OXR1: variants seen among roughly 807,000 people sequenced by gnomAD.
OXR1 encodes the protein oxidation resistance protein 1.
OXR1 carries 41 observed loss-of-function variants against 104.6 expected under a neutral mutation model. The observed-to-expected ratio is 0.39, with a 90% CI of 0.31 to 0.51. The LOEUF is 0.51. Among genes scored for constraint, OXR1 ranks in the 20% least tolerant of loss-of-function variants. OXR1 has a pLI of 0.77. For synonymous variants in OXR1, 348 were observed against 348.4 expected (o/e 1.00, Z 0.01); for missense variants, 955 against 1,031.9 (o/e 0.93, Z 1.02).
intron 3 of OXR1, among the ~76,000 whole-genome samples, chr8:106,554,223 G>A (rs1004754886): frequency 6.6e-6 from 1 of 152,208 alleles, no homozygotes; most frequent in Non-Finnish European, 1.5e-5. Flanking sequence ...GGGCCACAAC[G>A]TGGCTTCTGC....
intron 1 of OXR1, chr8:106,272,607 CAA>C (rs1279537603): frequency 6.6e-6 from 1 of 152,204 alleles, no homozygotes; most frequent in East Asian, 1.9e-4. Flanking sequence ...TGGAGGGACA[CAA>C]GAGCGAGGAC....
At chr8:106,700,912 CAAAT>C (rs1233344221) in intron 7 of OXR1, among the ~76,000 whole-genome samples, 2 of 151,712 alleles carry the variant, frequency 1.3e-5, no homozygotes, top group Admixed American at 6.6e-5. Flanking sequence ...TTTCCTTTCT[CAAAT>C]AAGTTTACAG....
chr8:106,628,853 T>C (rs72682808), intron 3 of OXR1, among the ~76,000 whole-genome samples: 2,176 of 152,276 alleles, frequency 0.014, 28 homozygotes, highest in South Asian at 0.062. Context: ...ATGTTCAGCA[T>C]TCAATATCTG....
chr8:106,535,991 T>G (rs934322738), intron 3 of OXR1, among the ~76,000 whole-genome samples: 68 of 151,906 alleles, frequency 4.5e-4, no homozygotes, highest in African/African-American at 1.6e-3. Context: ...GAGGCCGAGG[T>G]GGGCGGATCA....
chr8:106,732,291 A>C (rs1044517625), intron 11 of OXR1, among the ~76,000 whole-genome samples: 1 of 152,052 alleles, frequency 6.6e-6, no homozygotes, highest in Non-Finnish European at 1.5e-5. Flanking sequence ...GATTTTTTAT[A>C]CCAACAATCA....
At chr8:106,362,896 A>G (rs1023709020) in intron 2 of OXR1, among the ~76,000 whole-genome samples, 2 of 152,204 alleles carry the variant, frequency 1.3e-5, no homozygotes, top group African/African-American at 2.4e-5. Flanking sequence ...TTAGCAAGGA[A>G]TTGGTTTAGT....
chr8:106,726,526 G>A (rs1833361249), intron 11 of OXR1, among the ~76,000 whole-genome samples: 1 of 152,136 alleles, frequency 6.6e-6, no homozygotes, highest in Non-Finnish European at 1.5e-5. Context: ...TTCATATTAA[G>A]TGTTTTGTAT....
intron 3 of OXR1, among the ~76,000 whole-genome samples, chr8:106,569,342 T>G (rs2130548802): frequency 6.6e-6 from 1 of 152,304 alleles, no homozygotes; most frequent in Admixed American, 6.5e-5. Flanking sequence ...AGGGAATCAT[T>G]ACATATTGCC....
chr8:106,603,336 C>T (rs1296737727), intron 3 of OXR1, among the ~76,000 whole-genome samples: 1 of 151,906 alleles, frequency 6.6e-6, no homozygotes, highest in Non-Finnish European at 1.5e-5. Context: ...CAGCTTTTTT[C>T]TAAAAACATA....
intron 3 of OXR1, among the ~76,000 whole-genome samples, chr8:106,546,189 G>C (rs1196452119): frequency 6.6e-6 from 1 of 152,118 alleles, no homozygotes; most frequent in Non-Finnish European, 1.5e-5. Flanking sequence ...AGGCGTAGCT[G>C]AGTCATTTCG....
chr8:106,652,250 G>A (rs1824643498), intron 3 of OXR1, among the ~76,000 whole-genome samples: 1 of 152,104 alleles, frequency 6.6e-6, no homozygotes. Context: ...TTTGCTGAGA[G>A]TGAGCTTGGG....
Position 106,381,637 on chromosome 8 carries a change from C to T in OXR1, c.23+22001C>T, listed in dbSNP as rs1378624211. Among the ~76,000 whole-genome samples, 6 of 152,226 alleles carry T rather than the reference C, an allele frequency of 3.9e-5. No individual in the cohort carries two copies. The South Asian group carries it at 1.2e-3, about 32-fold the overall frequency. ...TTTACTGTTCATGTGGGCCTGTTGA[C>T]CTCAATGAGGTTTCTAATCTTCATT... On this transcript the variant is annotated intron_variant, in intron 2 of 16. Transcript: ENST00000517566.
intron 1 of OXR1, among the ~76,000 whole-genome samples, chr8:106,275,957 G>T (rs2130476204): frequency 6.6e-6 from 1 of 152,252 alleles, no homozygotes. Flanking sequence ...GTTTACAAAT[G>T]CTTATTCATC....
At chr8:106,717,737 C>T (rs1832408889) in intron 11 of OXR1, among the ~76,000 whole-genome samples, 2 of 152,034 alleles carry the variant, frequency 1.3e-5, no homozygotes, top group African/African-American at 4.8e-5. Context: ...TAAACTTGGG[C>T]GTAGATTAAA....
intron 1 of OXR1, among the ~76,000 whole-genome samples, chr8:106,339,425 G>A (rs555837832): frequency 0.011 from 1,545 of 144,120 alleles, 35 homozygotes; most frequent in African/African-American, 0.037. Context: ...AACCTGGCAG[G>A]CGGAGCTTGC....
intron 2 of OXR1, among the ~76,000 whole-genome samples, chr8:106,449,767 TTAA>T (rs980477445): frequency 6.6e-5 from 10 of 152,310 alleles, no homozygotes; most frequent in African/African-American, 1.9e-4. Context: ...AAGAAAAATC[TTAA>T]TGATGCCACA....
chr8:106,630,288 C>T (rs948277459), intron 3 of OXR1, among the ~76,000 whole-genome samples: 6 of 152,102 alleles, frequency 3.9e-5, no homozygotes, highest in African/African-American at 1.4e-4. Flanking sequence ...AGATGAATGA[C>T]ATAGGTGTAA....
At chr8:106,694,922 TATATTTATATATATATAAATATAAA>T (rs1229732369) in intron 7 of OXR1, among the ~76,000 whole-genome samples, 3 of 129,962 alleles carry the variant, frequency 2.3e-5, no homozygotes, top group African/African-American at 5.4e-5. Context: ...CATATTTATA[TATATTTATATATATATAAATATAAA>T]ATATTTATAT....
At chr8:106,558,774 G>A (rs1586810003) in intron 3 of OXR1, among the ~76,000 whole-genome samples, 1 of 152,258 alleles carries the variant, frequency 6.6e-6, no homozygotes, top group Admixed American at 6.5e-5. Context: ...CACATAGGAT[G>A]TGAGGGCCCA....
Sources: gnomAD v4.1 joint callset for allele counts (sites outside exome capture counted in the v4.1 genomes callset) on GRCh38, gnomAD v4.1.1 for gene constraint, MANE v1.5 for transcripts, NCBI Gene and HGNC (gene_info 2026-07-23, HGNC 2026-07-21) for gene names.